Variants in CRACR2A observed in about 807,000 individuals in gnomAD.
CRACR2A encodes calcium release activated channel regulator 2A.
In CRACR2A, 79 loss-of-function variants were observed where a neutral mutation model predicts 90.5. That is an observed-to-expected ratio of 0.87 (90% CI 0.73 to 1.05). CRACR2A has a LOEUF of 1.05. Ranked by LOEUF, CRACR2A falls within the 50% of genes least tolerant of loss-of-function variation. CRACR2A has a pLI of 0.00. For missense variants in CRACR2A, 823 were observed against 897.2 expected, an observed-to-expected ratio of 0.92 and a Z score of 1.06; for synonymous variants, 338 against 356.7, an observed-to-expected ratio of 0.95 and a Z score of 0.59.
intron 1 of CRACR2A, among the ~76,000 whole-genome samples, chr12:3,751,221 A>AT (rs1388448599): frequency 2.6e-5 from 4 of 152,146 alleles, no homozygotes; most frequent in Non-Finnish European, 5.9e-5. Flanking sequence ...ATTAAACATG[A>AT]AAATCTCCTA....
intron 17 of CRACR2A, among the ~76,000 whole-genome samples, chr12:3,621,674 A>C (rs894300771): frequency 1.4e-5 from 2 of 144,468 alleles, no homozygotes; most frequent in African/African-American, 5.2e-5. Flanking sequence ...AAAAAAAAAA[A>C]AAAAAAACCA....
intron 4 of CRACR2A, among the ~76,000 whole-genome samples, chr12:3,687,801 CCCA>C (rs1945588337): frequency 6.6e-6 from 1 of 152,222 alleles, no homozygotes; most frequent in Non-Finnish European, 1.5e-5. Flanking sequence ...AATTTACACT[CCCA>C]CCAACAGTGT....
intron 7 of CRACR2A, among the ~76,000 whole-genome samples, chr12:3,664,314 C>T (rs1325781192): frequency 6.6e-6 from 1 of 152,204 alleles, no homozygotes; most frequent in Admixed American, 6.5e-5. Flanking sequence ...GTAAGGCACA[C>T]AATTCTATAT....
chr12:3,678,913 A>G lies in CRACR2A; in HGVS notation c.524+2T>C. 1 of 1,600,306 alleles carries G rather than the reference A, an allele frequency of 6.2e-7. No homozygotes were observed. The highest frequency in any genetic ancestry group is 1.1e-5 in the South Asian group (1 of 87,720). On this transcript the variant is annotated splice_donor_variant, in intron 6 of 19. Coordinates refer to ENST00000440314, the MANE Select transcript of CRACR2A (RefSeq NM_001144958.2). LOFTEE classifies it high-confidence loss of function. The stretch of plus-strand genomic sequence containing the variant: ...GTTCTACAAATCACTGTCACCACTT[A>G]CTCTTCCAACACCTTTTGGGCTCCA...
chr12:3,639,222 C>T (rs2137364055), intron 13 of CRACR2A, among the ~76,000 whole-genome samples: 2 of 152,120 alleles, frequency 1.3e-5, no homozygotes, highest in Middle Eastern at 6.8e-3. Flanking sequence ...TTTCTCTTCC[C>T]CTTTCTGTAT....
intron 3 of CRACR2A, among the ~76,000 whole-genome samples, chr12:3,708,820 T>C (rs940625704): frequency 2.6e-5 from 4 of 152,250 alleles, no homozygotes; most frequent in African/African-American, 9.6e-5. Context: ...CCAACATTAA[T>C]GACAACATTT....
chr12:3,701,747 G>A (rs1945837809), intron 3 of CRACR2A, among the ~76,000 whole-genome samples: 1 of 152,054 alleles, frequency 6.6e-6, no homozygotes, highest in Admixed American at 6.5e-5. Context: ...AATATTTAAA[G>A]AATAAGTAAT....
chr12:3,651,704 C>T (rs1002125059), intron 10 of CRACR2A, among the ~76,000 whole-genome samples: 7 of 152,184 alleles, frequency 4.6e-5, no homozygotes, highest in Non-Finnish European at 1.0e-4. Context: ...CTCCCAGCTG[C>T]TCTGCAGTAG....
intron 14 of CRACR2A, among the ~76,000 whole-genome samples, chr12:3,637,033 G>A (rs148134597): frequency 2.6e-5 from 4 of 152,304 alleles, no homozygotes; most frequent in Non-Finnish European, 5.9e-5. Flanking sequence ...GGCCTATTCC[G>A]AGGCCTGGGT....
At chr12:3,734,430 C>CA (rs1274188275) in intron 1 of CRACR2A, among the ~76,000 whole-genome samples, 1 of 152,174 alleles carries the variant, frequency 6.6e-6, no homozygotes, top group Non-Finnish European at 1.5e-5. Flanking sequence ...GGAAGTTCCT[C>CA]AAAAAACTAA....
At chr12:3,723,562 G>C (rs760691504) in intron 2 of CRACR2A, among the ~76,000 whole-genome samples, 12 of 151,932 alleles carry the variant, frequency 7.9e-5, no homozygotes, top group Non-Finnish European at 1.5e-4. Context: ...ATGCCCCTAG[G>C]TGTCCCTAGG....
chr12:3,751,915 C>T (rs1007257552), intron 1 of CRACR2A, among the ~76,000 whole-genome samples: 2 of 152,190 alleles, frequency 1.3e-5, no homozygotes, highest in Admixed American at 1.3e-4. Flanking sequence ...TGAGGTTGTA[C>T]ATATTCATTT....
At chr12:3,722,912 G>C (rs1375729718) in intron 2 of CRACR2A, among the ~76,000 whole-genome samples, 1 of 152,148 alleles carries the variant, frequency 6.6e-6, no homozygotes, top group Non-Finnish European at 1.5e-5. Context: ...TGACTAAATA[G>C]GTACTCTTCA....
At chr12:3,693,535 G>T (rs926119852) in intron 4 of CRACR2A, among the ~76,000 whole-genome samples, 2 of 152,174 alleles carry the variant, frequency 1.3e-5, no homozygotes, top group Non-Finnish European at 2.9e-5. Flanking sequence ...GCATTTGCTT[G>T]CCTAAAAAGG....
chr12:3,717,865 C>A lies in CRACR2A; in HGVS notation c.-117-4548G>T, dbSNP rs182556355. Among the ~76,000 whole-genome samples, 112 of 152,266 alleles carry A rather than the reference C, an allele frequency of 7.4e-4. 1 individual carries two copies. Among genetic ancestry groups the A allele is most frequent in the Admixed American group, 5.9e-3 (91 of 15,306 alleles). On this transcript the variant is annotated intron_variant, in intron 2 of 19. Coordinates refer to ENST00000440314, the MANE Select transcript of CRACR2A (RefSeq NM_001144958.2). Reference sequence around the variant, plus strand: ...CCTTCATCTCCAAAGCATTCCAACTCGGTGGTGTGGCCTTTGAATGGATGA... The same window carrying A: ...CCTTCATCTCCAAAGCATTCCAACTAGGTGGTGTGGCCTTTGAATGGATGA...
At chr12:3,642,135 A>G (rs970440994) in intron 12 of CRACR2A, among the ~76,000 whole-genome samples, 3 of 152,192 alleles carry the variant, frequency 2.0e-5, no homozygotes, top group African/African-American at 7.2e-5. Flanking sequence ...GGAAAAGAAG[A>G]GATAAGTGTT....
intron 17 of CRACR2A, among the ~76,000 whole-genome samples, chr12:3,624,317 G>C (rs56062399): frequency 0.06 from 9,108 of 152,258 alleles, 328 homozygotes; most frequent in Middle Eastern, 0.13. Flanking sequence ...TCCAGGCGAG[G>C]GAGTTGGTAA....
chr12:3,619,285 C>T lies in CRACR2A; in HGVS notation c.2020G>A (p.Glu674Lys). 1 of 1,551,676 alleles carries T rather than the reference C, an allele frequency of 6.4e-7. No individual in the cohort carries two copies. ...KEREVPRGLG[E>K]QLATENNLIF... ...TTGCTCTTTACCGTGGCAAGCTGCT[C>T]TCCGAGGCCCCGGGGGACTTCCCGC... Residue 674 changes from glutamate to lysine, a missense_variant, in exon 18 of 20, where the codon GAG becomes AAG. Transcript: ENST00000440314.
rs926465467 is a variant in CRACR2A, at chr12:3,713,688, G to A, written c.-117-371C>T. Among the ~76,000 whole-genome samples, 7 of 152,144 alleles carry A rather than the reference G, an allele frequency of 4.6e-5. No individual in the cohort carries two copies. In the East Asian group the frequency reaches 1.2e-3, roughly 25 times the overall value. On this transcript the variant is annotated intron_variant, in intron 2 of 19. Transcript: ENST00000440314. ...AATTCTTTCCACCCAATCCACAGAC[G>A]CTGTCTACACCACAGGAGCTCACCT...
Sources: allele counts gnomAD v4.1 joint callset (sites outside exome capture counted in the v4.1 genomes callset), GRCh38; gene constraint gnomAD v4.1.1; transcripts MANE v1.5; gene names NCBI Gene and HGNC (gene_info 2026-07-23, HGNC 2026-07-21).